DAB1: variants seen among roughly 807,000 people sequenced by gnomAD.
DAB1 encodes the protein DAB adaptor protein 1.
A neutral mutation model predicts 64.6 loss-of-function variants in DAB1; 15 were observed. The ratio of observed to expected loss-of-function variants is 0.23; its 90% confidence interval spans 0.16 to 0.36. The LOEUF (loss-of-function observed/expected upper bound fraction) is 0.36. DAB1 is among the 10% of genes least tolerant of loss of function. The pLI is 1.00. For missense variants in DAB1, 596 were observed against 706.7 expected, an observed-to-expected ratio of 0.84 and a Z score of 1.78; for synonymous variants, 235 against 251.9, an observed-to-expected ratio of 0.93 and a Z score of 0.64.
At chr1:58,245,196 AC>A (rs1260608623) in intron 4 of DAB1, among the ~76,000 whole-genome samples, 1 of 151,898 alleles carries the variant, frequency 6.6e-6, no homozygotes, top group East Asian at 1.9e-4. Context: ...GTGTCAGCAA[AC>A]CCCCCGCCGC....
intron 4 of DAB1, among the ~76,000 whole-genome samples, chr1:57,081,656 T>C (rs1345835813): frequency 6.6e-6 from 1 of 152,024 alleles, no homozygotes; most frequent in Non-Finnish European, 1.5e-5. Context: ...CTGAACAATA[T>C]AATAGTCATC....
rs540093090 is a variant in DAB1 at position 58,274,607 on chromosome 1, C to G, written n.309+68745G>C. ...ATGGCGGGCGCCCCTCCCCCAGCCT[C>G]GCTGCCGCCTTGCAGTTTGATCTCA... On this transcript the variant is annotated intron_variant and non_coding_transcript_variant, in intron 4 of 20. Transcript: ENST00000485760. Among the ~76,000 whole-genome samples the G allele has an allele frequency of 9.2e-5, 14 of 151,448 alleles. 1 individual carries two copies. The highest frequency in any genetic ancestry group is 8.5e-4 in the South Asian group (4 of 4,680).
At chr1:57,101,327 A>C (rs1474120251) in intron 4 of DAB1, among the ~76,000 whole-genome samples, 1 of 152,260 alleles carries the variant, frequency 6.6e-6, no homozygotes, top group East Asian at 1.9e-4. Flanking sequence ...GTAACAAATT[A>C]AGGGAGCTAC....
Position 57,115,069 on chromosome 1 carries a change from C to T in DAB1, c.306+21474G>A, listed in dbSNP as rs184029796. On this transcript the variant is annotated intron_variant, in intron 4 of 14. Coordinates refer to ENST00000371236, the MANE Select transcript of DAB1 (RefSeq NM_001365792.1). ...ACCCTAGTGCCAGCACCTGCCCAGT[C>T]CCATTCTGCAGCTCCACCTCCATCT... Among the ~76,000 whole-genome samples the T allele has an allele frequency of 4.7e-3, 714 of 152,320 alleles. 2 individuals carry two copies. Among genetic ancestry groups the T allele is most frequent in the Non-Finnish European group, 7.4e-3 (506 of 68,042 alleles).
At chr1:57,311,371 G>A (rs910837753) in intron 1 of DAB1, among the ~76,000 whole-genome samples, 1 of 152,026 alleles carries the variant, frequency 6.6e-6, no homozygotes, top group African/African-American at 2.4e-5. Flanking sequence ...CCTGAAGCCT[G>A]AGCACACTGG....
chr1:58,217,597 T>G (rs1380594969), intron 4 of DAB1, among the ~76,000 whole-genome samples: 1 of 152,210 alleles, frequency 6.6e-6, no homozygotes, highest in African/African-American at 2.4e-5. Flanking sequence ...ACAGCCATGA[T>G]AGGAACTTTA....
At chr1:57,374,449 A>C (rs1379130981) in intron 1 of DAB1, among the ~76,000 whole-genome samples, 1 of 152,220 alleles carries the variant, frequency 6.6e-6, no homozygotes, top group African/African-American at 2.4e-5. Context: ...GAAGTGAATC[A>C]TTTTTCAAAT....
At chr1:58,494,378 A>G (rs1383017000) in intron 3 of DAB1, among the ~76,000 whole-genome samples, 1 of 152,112 alleles carries the variant, frequency 6.6e-6, no homozygotes, top group African/African-American at 2.4e-5. Context: ...CATGTCTAAA[A>G]CACCAAAAGC....
At chr1:57,011,329 T>C (rs1217024312) in intron 12 of DAB1, 57 bp from the exon 13 acceptor site, 9 of 1,587,874 alleles carry the variant, frequency 5.7e-6, no homozygotes, top group Non-Finnish European at 7.7e-6. Flanking sequence ...CATGAATGTA[T>C]CCCAAAGAAA....
intron 2 of DAB1, among the ~76,000 whole-genome samples, chr1:57,197,667 G>A (rs1282805722): frequency 1.3e-5 from 2 of 152,194 alleles, no homozygotes; most frequent in African/African-American, 2.4e-5. Flanking sequence ...CTACTCAGGA[G>A]AGCACATGGT....
chr1:58,308,142 A>G (rs1368913515), intron 4 of DAB1, among the ~76,000 whole-genome samples: 1 of 152,130 alleles, frequency 6.6e-6, no homozygotes, highest in Non-Finnish European at 1.5e-5. Flanking sequence ...CTCCAGGGTG[A>G]GATTCAGGGC....
At chr1:58,125,968 A>G (rs890014970) in intron 5 of DAB1, among the ~76,000 whole-genome samples, 2 of 152,180 alleles carry the variant, frequency 1.3e-5, no homozygotes, top group Admixed American at 6.5e-5. Flanking sequence ...GGAGAAGGGG[A>G]CAGGCTGTTA....
chr1:57,385,502 C>T (rs183465293), intron 1 of DAB1, among the ~76,000 whole-genome samples: 91 of 152,296 alleles, frequency 6.0e-4, no homozygotes, highest in African/African-American at 2.1e-3. Context: ...CTACCATATG[C>T]TAGCCTTGGT....
At chr1:57,588,288 C>A (rs1408706198) in intron 7 of DAB1, among the ~76,000 whole-genome samples, 1 of 152,210 alleles carries the variant, frequency 6.6e-6, no homozygotes, top group African/African-American at 2.4e-5. Flanking sequence ...CCTACCACCA[C>A]CAAAGGCATG....
At chr1:57,171,231 A>G (rs1661727176) in intron 2 of DAB1, among the ~76,000 whole-genome samples, 1 of 152,182 alleles carries the variant, frequency 6.6e-6, no homozygotes, top group Non-Finnish European at 1.5e-5. Context: ...AAATTCAAGA[A>G]GATGCCAGTG....
chr1:57,600,488 C>T (rs1645564435), intron 7 of DAB1, among the ~76,000 whole-genome samples: 3 of 152,124 alleles, frequency 2.0e-5, no homozygotes, highest in Non-Finnish European at 4.4e-5. Context: ...TGCCTGGGAG[C>T]AAGGGTACCA....
chr1:58,541,632 A>AAAC lies in DAB1; in HGVS notation n.32+5070_32+5071insGTT, dbSNP rs1646620474. On this transcript the variant is annotated intron_variant and non_coding_transcript_variant, in intron 1 of 20. Transcript: ENST00000485760. The stretch of plus-strand genomic sequence containing the variant: ...AACCTGTCAAAAAAAAAAAAAAAAA[A>AAAC]AAAAAAAAACCAAAAACAAAAAACA... The AAAC allele has an allele frequency of 3.4e-5, 5 of 146,432 alleles. 1 individual carries two copies. The highest frequency in any genetic ancestry group is 1.3e-4 in the African/African-American group (5 of 39,138). The allele number at this position is 146,432 out of a possible 1,614,324, so 9.1% of individuals were successfully genotyped here. A position where few individuals can be genotyped will look rare whatever the true frequency, so the allele number is the denominator to read the frequency against.
At chr1:57,186,667 C>A (rs1663597227) in intron 2 of DAB1, among the ~76,000 whole-genome samples, 1 of 152,164 alleles carries the variant, frequency 6.6e-6, no homozygotes, top group Non-Finnish European at 1.5e-5. Flanking sequence ...CAGCATTTAC[C>A]CCACAGAGGC....
intron 2 of DAB1, among the ~76,000 whole-genome samples, chr1:57,169,562 C>T (rs1191274909): frequency 1.3e-5 from 2 of 152,194 alleles, no homozygotes; most frequent in Non-Finnish European, 2.9e-5. Context: ...CATCAGGCCT[C>T]TGAAACTTCT....
Sources: allele counts gnomAD v4.1 joint callset (sites outside exome capture counted in the v4.1 genomes callset), GRCh38; gene constraint gnomAD v4.1.1; transcripts MANE v1.5; gene names NCBI Gene and HGNC (gene_info 2026-07-23, HGNC 2026-07-21).